FAM91A1: variants seen among roughly 807,000 people sequenced by gnomAD.
FAM91A1 encodes family with sequence similarity 91 member A1.
FAM91A1 carries 41 observed loss-of-function variants against 113.5 expected under a neutral mutation model. The ratio of observed to expected loss-of-function variants is 0.36; its 90% CI spans 0.28 to 0.47. The LOEUF (loss-of-function observed/expected upper bound fraction) is 0.47, where lower values mean the gene tolerates loss of function less well. FAM91A1 is among the 20% of genes least tolerant of loss of function. The pLI, the probability that FAM91A1 is intolerant of heterozygous loss-of-function variation, is 1.00. For synonymous variants in FAM91A1, 307 were observed against 347.9 expected, an observed-to-expected ratio of 0.88 and a Z score of 1.31; for missense variants, 696 against 1,001.2, an observed-to-expected ratio of 0.70 and a Z score of 4.11.
chr8:123,768,878 C>G lies in FAM91A1; in HGVS notation c.72+104C>G, dbSNP rs1814772430. 4.2e-6 allele frequency: 5 copies of G among 1,179,874 alleles called. No individual in the cohort carries two copies. In the Admixed American group the frequency reaches 8.1e-5, roughly 19 times the overall value. 73.1% of individuals were successfully genotyped at this position (1,179,874 alleles called of 1,614,324 possible). ...CCGAGCGGGCTGCTGCCGGCTGACT[C>G]CCTTCCTTTACTCCTCCGTGGTCTT... On this transcript the variant is annotated intron_variant, in intron 1 of 23. Coordinates refer to ENST00000334705, the MANE Select transcript of FAM91A1 (RefSeq NM_144963.4).
intron 18 of FAM91A1, among the ~76,000 whole-genome samples, chr8:123,801,513 G>A (rs758734360): frequency 1.3e-5 from 2 of 152,210 alleles, no homozygotes; most frequent in Non-Finnish European, 2.9e-5. Context: ...ACAATTGAAT[G>A]TGCATATTTT....
chr8:123,801,268 A>T (rs556302111), intron 18 of FAM91A1, among the ~76,000 whole-genome samples: 1 of 152,168 alleles, frequency 6.6e-6, no homozygotes, highest in Non-Finnish European at 1.5e-5. Context: ...GCATGTGCTT[A>T]TTGGGCTGTG....
chr8:123,782,661 T>C (rs1815153044), intron 8 of FAM91A1, among the ~76,000 whole-genome samples: 1 of 152,200 alleles, frequency 6.6e-6, no homozygotes, highest in Admixed American at 6.5e-5. Context: ...TATATTTAAA[T>C]TTGCAGTTTG....
In FAM91A1 at chr8:123,799,759, T is replaced by G. The variant is rs748746573; in HGVS notation, c.1696-13T>G. 5.0e-6 allele frequency: 8 copies of G among 1,606,024 alleles called. No homozygotes were observed. Among genetic ancestry groups the G allele is most frequent in the Middle Eastern group, 1.7e-4 (1 of 6,046 alleles). On this transcript the variant is annotated splice_polypyrimidine_tract_variant and intron_variant, in intron 17 of 23. Coordinates refer to ENST00000334705, the MANE Select transcript of FAM91A1 (RefSeq NM_144963.4). ...TCTGAATGCCATTTTACCTGTTAAT[T>G]TCTTTTCAATAGAGTTATGATCGAT... is the stretch of plus-strand genomic sequence containing the variant.
intron 8 of FAM91A1, among the ~76,000 whole-genome samples, chr8:123,782,675 G>C (rs1356004278): frequency 6.6e-6 from 1 of 152,034 alleles, no homozygotes; most frequent in Non-Finnish European, 1.5e-5. Flanking sequence ...CAGTTTGTTT[G>C]GAACTTATTT....
intron 15 of FAM91A1, among the ~76,000 whole-genome samples, chr8:123,797,422 CT>C (rs778151744): frequency 1.3e-5 from 2 of 152,140 alleles, no homozygotes; most frequent in Non-Finnish European, 2.9e-5. Flanking sequence ...CCTCTCCTGC[CT>C]CCCCTTCCAC....
At position 123,775,285 on chromosome 8, in the gene FAM91A1, C is replaced by G. The variant is rs201580142; in HGVS notation, c.296C>G (p.Thr99Ser). The G allele has an allele frequency of 1.1e-5, 17 of 1,613,568 alleles. No homozygotes were observed. The highest frequency in any genetic ancestry group is 6.7e-5 in the African/African-American group (5 of 74,992). ...AGGATAACACCATTTTCATATTATA[C>G]TGGGATTATGGAGGTGAGTTTACAG... ...GLRITPFSYY[T>S]GIMEDIMNSE... Residue 99 changes from threonine (T) to serine (S), a missense_variant, in exon 3 of 24, where the codon ACT (threonine) becomes AGT (serine). Physicochemically the swap from Thr to Ser is moderately conservative, Grantham distance 58. Transcript: ENST00000334705.
chr8:123,781,684 C>T, intron 8 of FAM91A1, among the ~76,000 whole-genome samples: 1 of 152,028 alleles, frequency 6.6e-6, no homozygotes, highest in East Asian at 1.9e-4. Flanking sequence ...AGGGTTTCAC[C>T]ATTTTGGCCA....
chr8:123,768,789 T>C lies in FAM91A1; in HGVS notation c.72+15T>C. On this transcript the variant is annotated intron_variant, in intron 1 of 23. Transcript: ENST00000334705. ...ACGTGAGACAGGTACGGCCGGAACC[T>C]GGGACCGGGCCCCTGACGGATTCGG... 1 of 1,609,238 alleles carries C rather than the reference T, an allele frequency of 6.2e-7. No homozygotes were observed. The highest frequency in any genetic ancestry group is 8.5e-7 in the Non-Finnish European group (1 of 1,177,872).
intron 15 of FAM91A1, among the ~76,000 whole-genome samples, chr8:123,795,827 A>G (rs1815504355): frequency 2.6e-5 from 4 of 152,178 alleles, no homozygotes; most frequent in African/African-American, 9.7e-5. Flanking sequence ...CAGGCTTACT[A>G]CTGTTTTGTG....
chr8:123,780,190 G>A (rs1205191533), intron 7 of FAM91A1, 115 bp downstream of exon 7: 5 of 894,708 alleles, frequency 5.6e-6, no homozygotes, highest in Non-Finnish European at 6.7e-6. Context: ...TCTAAGGCAT[G>A]TTATTGTTTG....
In FAM91A1 at chr8:123,796,845, C is replaced by T. The variant is rs528952662; in HGVS notation, c.1412-1245C>T. Among the ~76,000 whole-genome samples, 9 of 150,788 alleles carry T rather than the reference C, an allele frequency of 6.0e-5. No homozygotes were observed. The South Asian group carries it at 1.7e-3, about 28-fold the overall frequency. Reference sequence around the variant, plus strand: ...TTGGGAGGCCGAGGTGGGCAGATAACGAGGTCAGGAGATCGAGACCATCCT... The same window carrying T: ...TTGGGAGGCCGAGGTGGGCAGATAATGAGGTCAGGAGATCGAGACCATCCT... On this transcript the variant is annotated intron_variant, in intron 15 of 23. Coordinates refer to ENST00000334705, the MANE Select transcript of FAM91A1 (RefSeq NM_144963.4).
rs1233040783 is a variant in FAM91A1, at chr8:123,799,555, C to T, written c.1596C>T (p.Val532=). 2 of 1,613,596 alleles carry T rather than the reference C, an allele frequency of 1.2e-6. No individual in the cohort carries two copies. The highest frequency in any genetic ancestry group is 4.5e-5 in the East Asian group (2 of 44,858). ...IGPAIPEVSS[V]WFKLYIYHVT... is the part of the protein sequence containing the mutation. ...CAGCTATCCCAGAAGTCAGCTCTGT[C>T]TGGTTTAAACTGTACATTTATCATG... is the stretch of plus-strand genomic sequence containing the variant. The change falls in exon 17 of 24, where the codon GTC becomes GTT. Residue 532 remains valine (V), a synonymous_variant. Coordinates refer to ENST00000334705, the MANE Select transcript of FAM91A1 (RefSeq NM_144963.4).
At chr8:123,787,635 A>G (rs1253436808) in intron 13 of FAM91A1, 29 bp from the exon 14 acceptor site, 1 of 1,558,296 alleles carries the variant, frequency 6.4e-7, no homozygotes, top group Non-Finnish European at 8.8e-7. Context: ...GGAGAAGTAG[A>G]ACTTTAATAT....
chr8:123,807,480 C>CAAAAAAAAAAAAAAAAAAA (rs546080328), intron 20 of FAM91A1, among the ~76,000 whole-genome samples: 1 of 58,940 alleles, frequency 1.7e-5, no homozygotes, highest in Non-Finnish European at 3.5e-5. Context: ...CCTGTCTCTA[C>CAAAAAAAAAAAAAAAAAAA]AAAAAAAAAA....
At chr8:123,772,421 A>G (rs879522666) in intron 1 of FAM91A1, among the ~76,000 whole-genome samples, 3 of 152,232 alleles carry the variant, frequency 2.0e-5, no homozygotes, top group Non-Finnish European at 2.9e-5. Flanking sequence ...TGAATCCTCT[A>G]AATATTGTCA....
At position 123,786,560 on chromosome 8, in the gene FAM91A1, A is replaced by G. The variant is rs1815263432; in HGVS notation, c.1028A>G (p.Gln343Arg). 6.2e-7 allele frequency: 1 copy of G among 1,614,170 alleles called. No homozygotes were observed. Among genetic ancestry groups the G allele is most frequent in the South Asian group, 1.1e-5 (1 of 91,088 alleles). Residue 343 changes from glutamine to arginine, a missense_variant, in exon 12 of 24, where the codon CAA (glutamine) becomes CGA (arginine). Coordinates refer to ENST00000334705, the MANE Select transcript of FAM91A1 (RefSeq NM_144963.4). ...WDGGESRSPV[Q>R]EASSATDTDT... ...GGAGGGGAAAGTAGGAGTCCTGTAC[A>G]AGAAGCTTCATCGGCAACTGACACT...
intron 3 of FAM91A1, 137 bp from the exon 4 acceptor site, chr8:123,777,128 T>G (rs1815003956): frequency 3.3e-6 from 2 of 613,368 alleles, no homozygotes; most frequent in East Asian, 6.0e-5. Context: ...GTGGCATGTA[T>G]GCTCTAGGTA....
intron 1 of FAM91A1, among the ~76,000 whole-genome samples, chr8:123,769,902 G>A (rs947979088): frequency 1.3e-5 from 2 of 152,128 alleles, no homozygotes; most frequent in Admixed American, 1.3e-4. Flanking sequence ...GCATTTTTGG[G>A]AAGTTTGGAA....
Sources: allele counts gnomAD v4.1 joint callset (sites outside exome capture counted in the v4.1 genomes callset), GRCh38; gene constraint gnomAD v4.1.1; transcripts MANE v1.5; gene names NCBI Gene and HGNC (gene_info 2026-07-23, HGNC 2026-07-21).